HEMK2: variants seen among roughly 807,000 people sequenced by gnomAD.
HEMK2 encodes HemK methyltransferase 2, ETF1 glutamine and histone H4 lysine, also known as methyltransferase HEMK2.
At chr21:28,879,344 G>A in the HEMK2 span, among the ~76,000 whole-genome samples, 7 of 152,154 alleles carry the variant, frequency 4.6e-5, no homozygotes, top group East Asian at 9.7e-4. Context: ...CAGGGTTAAC[G>A]CCATTCTCCT....
At chr21:28,775,353 C>T in the HEMK2 span, among the ~76,000 whole-genome samples, 1 of 152,098 alleles carries the variant, frequency 6.6e-6, no homozygotes, top group South Asian at 2.1e-4. Flanking sequence ...CTTGTTGAGA[C>T]TGAGATGCCT....
chr21:28,739,697 T>G, the HEMK2 span, among the ~76,000 whole-genome samples: 1 of 152,368 alleles, frequency 6.6e-6, no homozygotes, highest in African/African-American at 2.4e-5. Context: ...CCTAGGTGCC[T>G]ATTCAAATTT....
At chr21:28,872,786 A>G in the HEMK2 span, 1 of 152,132 alleles carries the variant, frequency 6.6e-6, no homozygotes, top group African/African-American at 2.4e-5. Flanking sequence ...TGAGGCAGGA[A>G]AAAAAAGGGG....
the HEMK2 span, among the ~76,000 whole-genome samples, chr21:28,864,487 T>C: frequency 6.6e-6 from 1 of 152,176 alleles, no homozygotes; most frequent in Non-Finnish European, 1.5e-5. Context: ...ATGAAGACTG[T>C]CCTTTGATGA....
At chr21:28,880,348 T>C in the HEMK2 span, among the ~76,000 whole-genome samples, 2 of 152,230 alleles carry the variant, frequency 1.3e-5, no homozygotes, top group Non-Finnish European at 2.9e-5. Context: ...CCTACCATTA[T>C]TTACTGGATA....
the HEMK2 span, among the ~76,000 whole-genome samples, chr21:28,861,038 C>T: frequency 6.6e-6 from 1 of 152,186 alleles, no homozygotes; most frequent in Non-Finnish European, 1.5e-5. Context: ...TAGACCTATT[C>T]GTCCCAGCTG....
chr21:28,710,341 A>G, the HEMK2 span, among the ~76,000 whole-genome samples: 2 of 152,254 alleles, frequency 1.3e-5, no homozygotes. Flanking sequence ...TAGAAAAACC[A>G]GCCAATGGTG....
chr21:28,874,539 C>T, the HEMK2 span: 1 of 152,236 alleles, frequency 6.6e-6, no homozygotes, highest in Non-Finnish European at 1.5e-5. Context: ...TTGCTGAGCC[C>T]ATGCATAACC....
the HEMK2 span, among the ~76,000 whole-genome samples, chr21:28,879,135 A>G: frequency 8.4e-5 from 11 of 130,852 alleles, no homozygotes; most frequent in Non-Finnish European, 1.7e-4. Context: ...CCTAGACTGG[A>G]GTACAGTGGT....
chr21:28,712,501 G>T, the HEMK2 span, among the ~76,000 whole-genome samples: 2 of 152,158 alleles, frequency 1.3e-5, no homozygotes, highest in African/African-American at 4.8e-5. Flanking sequence ...ATCCAGAAAA[G>T]CTCCAGAGGC....
At chr21:28,616,151 A>G in the HEMK2 span, among the ~76,000 whole-genome samples, 13 of 152,220 alleles carry the variant, frequency 8.5e-5, no homozygotes, top group Non-Finnish European at 1.0e-4. Context: ...CAAATTGTCT[A>G]GACATAATTT....
the HEMK2 span, among the ~76,000 whole-genome samples, chr21:28,706,170 G>GT: frequency 2.0e-4 from 31 of 152,248 alleles, no homozygotes; most frequent in African/African-American, 7.2e-4. Context: ...TATATTTGAC[G>GT]TAACTCTAAG....
At chr21:28,864,812 C>CAGATAGAT in the HEMK2 span, among the ~76,000 whole-genome samples, 1,272 of 113,914 alleles carry the variant, frequency 0.011, 15 homozygotes, top group Middle Eastern at 0.022. Context: ...CTCTGAAAGA[C>CAGATAGAT]AGACAGACAG....
At chr21:28,698,409 A>C in the HEMK2 span, among the ~76,000 whole-genome samples, 1 of 152,248 alleles carries the variant, frequency 6.6e-6, no homozygotes, top group African/African-American at 2.4e-5. Flanking sequence ...TGAGCACATT[A>C]CAAATAATAT....
the HEMK2 span, among the ~76,000 whole-genome samples, chr21:28,733,894 C>T: frequency 1.3e-5 from 2 of 152,244 alleles, no homozygotes; most frequent in African/African-American, 2.4e-5. Flanking sequence ...GCAACGGCAG[C>T]GCTATTGCTG....
At chr21:28,736,425 G>T in the HEMK2 span, among the ~76,000 whole-genome samples, 6 of 152,312 alleles carry the variant, frequency 3.9e-5, no homozygotes, top group Non-Finnish European at 8.8e-5. Flanking sequence ...GAAGTGGGGA[G>T]CTGCTTGTTC....
At chr21:28,759,424 A>T in the HEMK2 span, among the ~76,000 whole-genome samples, 1 of 152,010 alleles carries the variant, frequency 6.6e-6, no homozygotes, top group Non-Finnish European at 1.5e-5. Flanking sequence ...AATGTAACTA[A>T]CTTGCTTTTG....
chr21:28,686,057 A>G, the HEMK2 span, among the ~76,000 whole-genome samples: 1 of 152,162 alleles, frequency 6.6e-6, no homozygotes, highest in Non-Finnish European at 1.5e-5. Flanking sequence ...TAGAAACTAT[A>G]TTAGTGAGTG....
At chr21:28,841,058 A>T in the HEMK2 span, among the ~76,000 whole-genome samples, 16 of 47,720 alleles carry the variant, frequency 3.4e-4, no homozygotes, top group South Asian at 1.7e-3. Flanking sequence ...TAAATATTAT[A>T]TATAAATAAA....
Sources: allele counts gnomAD v4.1 joint callset (sites outside exome capture counted in the v4.1 genomes callset), GRCh38; gene constraint gnomAD v4.1.1; transcripts MANE v1.5; gene names NCBI Gene and HGNC (gene_info 2026-07-23, HGNC 2026-07-21).